RNF43: variants seen among roughly 807,000 people sequenced by gnomAD.
RNF43 encodes E3 ubiquitin-protein ligase RNF43.
In RNF43, 37 loss-of-function variants were observed where a neutral mutation model predicts 78.4. The observed-to-expected ratio is 0.47, with a 90% CI of 0.36 to 0.62. The LOEUF is 0.62. RNF43 is among the 20% of genes least tolerant of loss of function. The pLI is 0.00. For missense variants in RNF43, 774 were observed against 1,007.9 expected (o/e 0.77, Z 3.14); for synonymous variants, 347 against 395.0 (o/e 0.88, Z 1.44).
intron 2 of RNF43, among the ~76,000 whole-genome samples, chr17:58,399,040 T>C (rs2143635237): frequency 1.3e-5 from 2 of 152,310 alleles, no homozygotes; most frequent in Middle Eastern, 3.4e-3. Context: ...TAACTCCCAC[T>C]GTGTTGTACT....
At chr17:58,361,701 C>T (rs1972836903) in intron 6 of RNF43, among the ~76,000 whole-genome samples, 1 of 152,170 alleles carries the variant, frequency 6.6e-6, no homozygotes, top group Admixed American at 6.5e-5. Flanking sequence ...CAACGGGGCC[C>T]CCACCAGCTA....
At position 58,394,327 on chromosome 17, in the gene RNF43, C is replaced by T. The variant is rs528309789; in HGVS notation, c.252+20999G>A. ...TTCAGAGAATCTCTTAGAATGTGGC[C>T]GCATGCTCTTATAGAAAATAGCCTT... is the stretch of plus-strand genomic sequence containing the variant. On this transcript the variant is annotated intron_variant, in intron 2 of 9. Coordinates refer to ENST00000407977, the MANE Select transcript of RNF43 (RefSeq NM_017763.6). Among the ~76,000 whole-genome samples, 8 of 152,058 alleles carry T rather than the reference C, an allele frequency of 5.3e-5. No individual in the cohort carries two copies. The South Asian group carries it at 1.0e-3, about 20-fold the overall frequency.
chr17:58,390,471 C>T (rs906897197), intron 2 of RNF43, among the ~76,000 whole-genome samples: 2 of 152,148 alleles, frequency 1.3e-5, no homozygotes, highest in East Asian at 1.9e-4. Context: ...CCTGCAACTT[C>T]GATGCTCACC....
Position 58,366,987 on chromosome 17 carries a change from G to C in RNF43, c.376-3387C>G, listed in dbSNP as rs554189669. On this transcript the variant is annotated intron_variant, in intron 3 of 9. Coordinates refer to ENST00000407977, the MANE Select transcript of RNF43 (RefSeq NM_017763.6). ...ATTACAGGCATACACCACAAGGCCC[G>C]GCTAATTTTTTTTTTTTTTTTTTTT... Among the ~76,000 whole-genome samples the C allele has an allele frequency of 3.5e-5, 5 of 143,712 alleles. No individual in the cohort carries two copies. The South Asian group carries it at 9.0e-4, about 26-fold the overall frequency. The allele number at this position is 143,712 out of a possible 152,430, so 94.3% of individuals were successfully genotyped here.
chr17:58,360,715 G>T lies in RNF43; in HGVS notation c.849+68C>A. 6.6e-7 allele frequency: 1 copy of T among 1,503,776 alleles called. No homozygotes were observed. Among genetic ancestry groups the T allele is most frequent in the Non-Finnish European group, 9.0e-7 (1 of 1,113,566 alleles). The allele number at this position is 1,503,776 out of a possible 1,614,324, so 93.2% of individuals were successfully genotyped here. On this transcript the variant is annotated intron_variant, in intron 7 of 9. Coordinates refer to ENST00000407977, the MANE Select transcript of RNF43 (RefSeq NM_017763.6). This position sits in a 1 kb window ranked among gnomAD's most constrained non-coding sequence, Gnocchi z 4.3. ...GGTACCCATACCAGCCCCTAGGCCT[G>T]CCCACCCCTCCCCCAGCTTCAATCT...
chr17:58,404,207 A>G (rs1654245946), intron 2 of RNF43, among the ~76,000 whole-genome samples: 1 of 152,170 alleles, frequency 6.6e-6, no homozygotes, highest in African/African-American at 2.4e-5. Context: ...ATCACCTACC[A>G]AACAAATTTT....
chr17:58,374,718 T>C (rs554520498), intron 2 of RNF43, among the ~76,000 whole-genome samples: 26 of 152,282 alleles, frequency 1.7e-4, no homozygotes, highest in African/African-American at 5.8e-4. Context: ...ATGACTTCTC[T>C]GGGTGACAGC....
At chr17:58,408,503 T>C (rs574976476) in intron 2 of RNF43, among the ~76,000 whole-genome samples, 1 of 152,210 alleles carries the variant, frequency 6.6e-6, no homozygotes, top group South Asian at 2.1e-4. Flanking sequence ...CCTGAATAAA[T>C]CATTCTTGGA....
chr17:58,378,592 G>A (rs536505940), intron 2 of RNF43, among the ~76,000 whole-genome samples: 4 of 152,180 alleles, frequency 2.6e-5, no homozygotes, highest in East Asian at 3.9e-4. Context: ...CTGCTTCATC[G>A]TATAATTTTT....
At chr17:58,394,328 G>A (rs752804218) in intron 2 of RNF43, among the ~76,000 whole-genome samples, 7 of 152,214 alleles carry the variant, frequency 4.6e-5, no homozygotes, top group South Asian at 4.2e-4. Flanking sequence ...GAATGTGGCC[G>A]CATGCTCTTA....
chr17:58,414,717 A>G (rs1974090080), intron 2 of RNF43, among the ~76,000 whole-genome samples: 2 of 152,210 alleles, frequency 1.3e-5, no homozygotes, highest in African/African-American at 4.8e-5. Context: ...GAAAATGATA[A>G]AATTATGTGT....
chr17:58,377,787 G>A (rs1297103547), intron 2 of RNF43, among the ~76,000 whole-genome samples: 1 of 151,560 alleles, frequency 6.6e-6, no homozygotes, highest in Non-Finnish European at 1.5e-5. Context: ...TTTACTGCTT[G>A]CTACAATTTT....
At chr17:58,398,543 C>T (rs1042833758) in intron 2 of RNF43, among the ~76,000 whole-genome samples, 1 of 152,032 alleles carries the variant, frequency 6.6e-6, no homozygotes, top group African/African-American at 2.4e-5. Context: ...TTCAAGTGAC[C>T]AGATATTAAA....
At chr17:58,407,003 GCAA>G (rs1349755078) in intron 2 of RNF43, among the ~76,000 whole-genome samples, 1 of 148,948 alleles carries the variant, frequency 6.7e-6, no homozygotes, top group Non-Finnish European at 1.5e-5. Flanking sequence ...TAGATTTAAA[GCAA>G]CAACAACAAA....
At chr17:58,353,425 TATA>T (rs1567869931), downstream of RNF43, 3 of 198,784 alleles carry the variant, frequency 1.5e-5, no homozygotes, top group Non-Finnish European at 3.1e-5. Context: ...AAGTGAACAG[TATA>T]ATAATAATGA....
Position 58,358,522 on chromosome 17 carries a change from C to T in RNF43, c.1254G>A (p.Leu418=), listed in dbSNP as rs1376843189. The change falls in exon 9 of 10, where the codon CTG becomes CTA. Residue 418 remains leucine, a synonymous_variant. Coordinates refer to ENST00000407977, the MANE Select transcript of RNF43 (RefSeq NM_017763.6). The surrounding 1 kb of genome is among the most constrained non-coding windows in gnomAD (Gnocchi z 6.2). ...AQHPYAQGWG[L]SHLQSTSQHP... is the part of the protein sequence containing the mutation. ...GCTGTGAGGTGGATTGGAGGTGGCT[C>T]AGTCCCCAGCCTTGTGCATAGGGGT... The T allele has an allele frequency of 3.7e-6, 6 of 1,613,436 alleles. No homozygotes were observed. In the Admixed American group the frequency reaches 6.7e-5, roughly 18 times the overall value.
chr17:58,398,194 A>G (rs530349643), intron 2 of RNF43, among the ~76,000 whole-genome samples: 2 of 152,298 alleles, frequency 1.3e-5, no homozygotes, highest in South Asian at 2.1e-4. Flanking sequence ...TAAAAATTCA[A>G]TCTGTACTGT....
At chr17:58,394,192 G>A (rs887763111) in intron 2 of RNF43, among the ~76,000 whole-genome samples, 1 of 152,210 alleles carries the variant, frequency 6.6e-6, no homozygotes, top group African/African-American at 2.4e-5. Context: ...AACACAATTA[G>A]AAATCTTGGT....
chr17:58,382,982 T>C (rs760078436), intron 2 of RNF43, among the ~76,000 whole-genome samples: 13 of 152,184 alleles, frequency 8.5e-5, no homozygotes, highest in Non-Finnish European at 1.9e-4. Context: ...TTAGAGACTA[T>C]TACAAACAAT....
Sources: gnomAD v4.1 joint callset for allele counts (sites outside exome capture counted in the v4.1 genomes callset) on GRCh38, gnomAD v4.1.1 for gene constraint, Gnocchi (gnomAD v3.1) non-coding constraint, MANE v1.5 for transcripts, NCBI Gene and HGNC (gene_info 2026-07-23, HGNC 2026-07-21) for gene names.